MRPL1: variants seen among roughly 807,000 people sequenced by gnomAD.
MRPL1 encodes the protein mitochondrial ribosomal protein L1.
MRPL1 carries 28 observed loss-of-function variants against 38.0 expected under a neutral mutation model. That is an observed-to-expected ratio of 0.74 (90% CI 0.55 to 1.01). MRPL1 has a LOEUF of 1.01. Among genes scored for constraint, MRPL1 ranks in the 50% least tolerant of loss-of-function variants. MRPL1 has a pLI of 0.00. For missense variants in MRPL1, 358 were observed against 389.8 expected (o/e 0.92, Z 0.69); for synonymous variants, 123 against 126.7 (o/e 0.97, Z 0.20).
intron 7 of MRPL1, among the ~76,000 whole-genome samples, chr4:77,916,396 A>G (rs565677437): frequency 6.6e-6 from 1 of 152,266 alleles, no homozygotes; most frequent in East Asian, 1.9e-4. Context: ...TAATTAATAT[A>G]TGTACATGGT....
intron 5 of MRPL1, among the ~76,000 whole-genome samples, chr4:77,888,100 T>C (rs748112261): frequency 1.2e-4 from 19 of 152,324 alleles, no homozygotes; most frequent in Admixed American, 5.2e-4. Flanking sequence ...GTATCTGCCC[T>C]CTATAATGTT....
chr4:77,939,369 T>C (rs1204103342), intron 7 of MRPL1, among the ~76,000 whole-genome samples: 4 of 152,094 alleles, frequency 2.6e-5, no homozygotes, highest in Non-Finnish European at 5.9e-5. Context: ...TCCTTAGCCT[T>C]CTTTTTGATG....
chr4:77,914,831 T>G (rs1736384107), intron 7 of MRPL1, among the ~76,000 whole-genome samples: 1 of 152,062 alleles, frequency 6.6e-6, no homozygotes, highest in African/African-American at 2.4e-5. Flanking sequence ...GCGTCCTTAT[T>G]TTGGATAAAA....
chr4:77,906,788 G>A (rs1736169481), intron 6 of MRPL1, among the ~76,000 whole-genome samples: 1 of 152,098 alleles, frequency 6.6e-6, no homozygotes, highest in Admixed American at 6.6e-5. Flanking sequence ...GTTTAACCAG[G>A]TATCTGTTTT....
chr4:77,938,387 G>A (rs910507234), intron 7 of MRPL1, among the ~76,000 whole-genome samples: 2 of 152,170 alleles, frequency 1.3e-5, no homozygotes, highest in Admixed American at 1.3e-4. Context: ...GCTTTTCACT[G>A]CTGACGGGGT....
chr4:77,936,223 A>G (rs1014125918), intron 7 of MRPL1, among the ~76,000 whole-genome samples: 3 of 151,652 alleles, frequency 2.0e-5, no homozygotes, highest in African/African-American at 7.3e-5. Flanking sequence ...TTTTCCCTTT[A>G]ACACTGTATC....
At position 77,909,292 on chromosome 4, in the gene MRPL1, A is replaced by G. The variant is rs1736232506; in HGVS notation, c.697A>G (p.Met233Val). 6.8e-6 allele frequency: 11 copies of G among 1,611,410 alleles called. No homozygotes were observed. The highest frequency in any genetic ancestry group is 9.3e-6 in the Non-Finnish European group (11 of 1,178,952). The change falls in exon 7 of 9, where the codon ATG becomes GTG. Residue 233 changes from methionine (M) to valine (V), a missense_variant. Transcript: ENST00000315567. The stretch of plus-strand genomic sequence containing the variant: ...TTCCATTGGCCGTGACATCCCCAAA[A>G]TGCTTGAATTATTTAAAAATGGACA... ...RNSIGRDIPKMLELFKNGHEI... is the reference protein window; with the variant it reads ...RNSIGRDIPKVLELFKNGHEI...
chr4:77,888,312 C>T (rs889994497), intron 5 of MRPL1, among the ~76,000 whole-genome samples: 2 of 152,114 alleles, frequency 1.3e-5, no homozygotes, highest in Non-Finnish European at 2.9e-5. Flanking sequence ...TGGGACCAGC[C>T]TGGCCAACAC....
chr4:77,938,027 A>G (rs547448163), intron 7 of MRPL1, among the ~76,000 whole-genome samples: 2 of 152,352 alleles, frequency 1.3e-5, no homozygotes, highest in African/African-American at 4.8e-5. Context: ...TATAGCAAAA[A>G]CTTACAAAAC....
At position 77,887,261 on chromosome 4, in the gene MRPL1, A is replaced by G. The variant is rs1735699667; in HGVS notation, c.528A>G (p.Ala176=). The G allele has an allele frequency of 1.2e-6, 2 of 1,613,864 alleles. No homozygotes were observed. Among genetic ancestry groups the G allele is most frequent in the Non-Finnish European group, 1.7e-6 (2 of 1,179,852 alleles). The change falls in exon 5 of 9, where the codon GCA becomes GCG. Residue 176 remains alanine, a synonymous_variant. Transcript: ENST00000315567. ...EVKIAEENGA[A]FAGGTSLIQK... ...AAATAGCGGAAGAAAATGGAGCTGC[A>G]TTTGCAGGAGGCACTAGTCTGATAC... is the stretch of plus-strand genomic sequence containing the variant.
At chr4:77,880,191 G>A (rs1735504462) in intron 2 of MRPL1, among the ~76,000 whole-genome samples, 2 of 152,048 alleles carry the variant, frequency 1.3e-5, no homozygotes, top group African/African-American at 4.8e-5. Context: ...GGATCTCACT[G>A]GGCTAAAATC....
chr4:77,908,318 T>C (rs1736207366), intron 6 of MRPL1: 1 of 167,404 alleles, frequency 6.0e-6, no homozygotes, highest in South Asian at 1.2e-4. Context: ...CTGCAACCTC[T>C]TCCTCCCGAG....
At chr4:77,937,802 G>A (rs1464003184) in intron 7 of MRPL1, among the ~76,000 whole-genome samples, 1 of 151,994 alleles carries the variant, frequency 6.6e-6, no homozygotes, top group East Asian at 1.9e-4. Context: ...TGTTTCAAAT[G>A]CATATATAAA....
In MRPL1 at chr4:77,952,558, T is replaced by G; in HGVS notation, c.929T>G (p.Leu310Trp). 6.2e-7 allele frequency: 1 copy of G among 1,613,360 alleles called. No individual in the cohort carries two copies. The highest frequency in any genetic ancestry group is 8.5e-7 in the Non-Finnish European group (1 of 1,179,678). ...GGTTTATTACTGAAGATTGATCCATTGTTGCCTAAAGAAGTAAAAAATGAA... is the reference window on the plus strand; with the variant it reads ...GGTTTATTACTGAAGATTGATCCATGGTTGCCTAAAGAAGTAAAAAATGAA... Reference protein sequence around the residue: ...SEGLLLKIDPLLPKEVKNEES... With the variant: ...SEGLLLKIDPWLPKEVKNEES... Residue 310 changes from leucine (L) to tryptophan (W), a missense_variant, in exon 9 of 9, where the codon TTG becomes TGG. Transcript: ENST00000315567.
rs1464273359 is a variant in MRPL1 at position 77,952,550 on chromosome 4, T to C, written c.921T>C (p.Ile307=). Residue 307 remains isoleucine, a synonymous_variant, in exon 9 of 9, where the codon ATT becomes ATC. Coordinates refer to ENST00000315567, the MANE Select transcript of MRPL1 (RefSeq NM_020236.4). ...CAAGTGAAGGTTTATTACTGAAGAT[T>C]GATCCATTGTTGCCTAAAGAAGTAA... ...SSTSEGLLLK[I]DPLLPKEVKN... 1.2e-6 allele frequency: 2 copies of C among 1,613,490 alleles called. No individual in the cohort carries two copies. Among genetic ancestry groups the C allele is most frequent in the Non-Finnish European group, 1.7e-6 (2 of 1,179,800 alleles).
rs1046718141 is a variant in MRPL1 at position 77,870,361 on chromosome 4, T to C, written c.32-1383T>C. Among the ~76,000 whole-genome samples the C allele has an allele frequency of 2.6e-5, 4 of 152,336 alleles. No individual in the cohort carries two copies. The South Asian group carries it at 8.3e-4, about 32-fold the overall frequency. ...CAAGCTTCGAATGGATAATTGCTTG[T>C]TCCTTCATTTATCATACGTGATTTT... On this transcript the variant is annotated intron_variant, in intron 1 of 8. Transcript: ENST00000315567.
intron 4 of MRPL1, among the ~76,000 whole-genome samples, chr4:77,885,933 A>G (rs1434218988): frequency 6.6e-6 from 1 of 152,230 alleles, no homozygotes; most frequent in African/African-American, 2.4e-5. Flanking sequence ...AATTTATCCT[A>G]TTAACTGCTG....
At chr4:77,936,512 TC>T (rs1560474551) in intron 7 of MRPL1, among the ~76,000 whole-genome samples, 1 of 152,320 alleles carries the variant, frequency 6.6e-6, no homozygotes, top group East Asian at 1.9e-4. Flanking sequence ...CTGTCTTCTG[TC>T]CCAGGAGTCA....
chr4:77,898,922 A>G (rs1735976472), intron 6 of MRPL1, among the ~76,000 whole-genome samples: 1 of 151,932 alleles, frequency 6.6e-6, no homozygotes, highest in Non-Finnish European at 1.5e-5. Context: ...TTGCGGTCAT[A>G]GAACTAACAG....
Sources: gnomAD v4.1 joint callset for allele counts (sites outside exome capture counted in the v4.1 genomes callset) on GRCh38, gnomAD v4.1.1 for gene constraint, MANE v1.5 for transcripts, NCBI Gene and HGNC (gene_info 2026-07-23, HGNC 2026-07-21) for gene names.